DOCK2: variants seen among roughly 807,000 people sequenced by gnomAD.
DOCK2 encodes the protein dedicator of cytokinesis 2.
In DOCK2, 87 loss-of-function variants were observed where a neutral mutation model predicts 248.9. The observed-to-expected ratio is 0.35, with a 90% CI of 0.29 to 0.42. The LOEUF is 0.42. Among genes scored for constraint, DOCK2 ranks in the 10% least tolerant of loss-of-function variants. The probability of loss-of-function intolerance (pLI) is 1.00; values close to 1 mark genes in which losing one functional copy is unlikely to be tolerated. For synonymous variants in DOCK2, 805 were observed against 821.6 expected (o/e 0.98, Z 0.35); for missense variants, 1,747 against 2,300.2 (o/e 0.76, Z 4.92).
intron 27 of DOCK2, among the ~76,000 whole-genome samples, chr5:169,848,633 G>C (rs1770457945): frequency 6.6e-6 from 1 of 152,214 alleles, no homozygotes; most frequent in Non-Finnish European, 1.5e-5. Context: ...ACAATCTGGT[G>C]ATTTTGTTGA....
intron 44 of DOCK2, among the ~76,000 whole-genome samples, chr5:170,065,066 G>T (rs1757446132): frequency 6.6e-6 from 1 of 152,106 alleles, no homozygotes; most frequent in Admixed American, 6.5e-5. Context: ...CTAATAGTTT[G>T]TTAAAGATAG....
intron 26 of DOCK2, among the ~76,000 whole-genome samples, chr5:169,839,154 A>G (rs1769784056): frequency 6.6e-6 from 1 of 152,184 alleles, no homozygotes; most frequent in Non-Finnish European, 1.5e-5. Flanking sequence ...CTGGAGACAC[A>G]AGGCTGTTCC....
intron 27 of DOCK2, among the ~76,000 whole-genome samples, chr5:169,910,292 G>A (rs758484459): frequency 6.6e-6 from 1 of 152,156 alleles, no homozygotes; most frequent in African/African-American, 2.4e-5. Context: ...GGTTACCACC[G>A]CATGGAATAT....
chr5:170,030,191 C>A (rs1311451967), intron 34 of DOCK2, among the ~76,000 whole-genome samples: 3 of 152,190 alleles, frequency 2.0e-5, no homozygotes, highest in African/African-American at 2.4e-5. Flanking sequence ...AGATGATCAG[C>A]AGGGTTTTCA....
At chr5:169,780,890 A>G (rs1226353970) in intron 25 of DOCK2, among the ~76,000 whole-genome samples, 7 of 152,356 alleles carry the variant, frequency 4.6e-5, no homozygotes, top group Non-Finnish European at 7.3e-5. Context: ...ACCATAAAAT[A>G]TCGCCATACT....
rs70979150 is a variant in DOCK2, at chr5:169,961,978, C to CAAAAAAAAAAAAAAAAAAAAAAAAAAAA, written c.2800-21073_2800-21072insAAAAAAAAAAAAAAAAAAAAAAAAAAAA. On this transcript the variant is annotated intron_variant, in intron 27 of 51. Transcript: ENST00000520908. ...TGGGTGAAAAAGTGAGACTCTGTCC[C>CAAAAAAAAAAAAAAAAAAAAAAAAAAAA]AAAAAAAAAAAAAAAAATGGAGAAA... 9.4e-5 allele frequency among the ~76,000 whole-genome samples: 7 copies of CAAAAAAAAAAAAAAAAAAAAAAAAAAAA among 74,654 alleles called. 2 individuals are homozygous for CAAAAAAAAAAAAAAAAAAAAAAAAAAAA. Among genetic ancestry groups the CAAAAAAAAAAAAAAAAAAAAAAAAAAAA allele is most frequent in the East Asian group, 4.4e-4 (1 of 2,298 alleles). 49.0% of individuals were successfully genotyped at this position (74,654 alleles called of 152,430 possible). A position where few individuals can be genotyped will look rare whatever the true frequency, so the allele number is the denominator to read the frequency against.
intron 7 of DOCK2, among the ~76,000 whole-genome samples, chr5:169,683,079 G>A (rs907753522): frequency 1.3e-5 from 2 of 152,180 alleles, no homozygotes; most frequent in East Asian, 1.9e-4. Flanking sequence ...TTATACTAAT[G>A]CAACTATGAA....
chr5:169,698,319 C>A, intron 10 of DOCK2, 55 bp from the exon 11 acceptor site: 1 of 1,567,440 alleles, frequency 6.4e-7, no homozygotes, highest in South Asian at 1.1e-5. Flanking sequence ...CCACTGTCAT[C>A]CCTTATGGGA....
At chr5:169,716,507 G>A (rs1761922530) in intron 20 of DOCK2, among the ~76,000 whole-genome samples, 1 of 152,230 alleles carries the variant, frequency 6.6e-6, no homozygotes, top group Admixed American at 6.5e-5. Flanking sequence ...ATGAGGCATT[G>A]TGGGTGAAAG....
intron 24 of DOCK2, among the ~76,000 whole-genome samples, chr5:169,760,371 T>C (rs1764422623): frequency 6.6e-6 from 1 of 152,216 alleles, no homozygotes. Context: ...AAAGATTACA[T>C]ACAGAGAGTT....
chr5:169,822,194 T>C (rs904709004), intron 26 of DOCK2, among the ~76,000 whole-genome samples: 3 of 152,128 alleles, frequency 2.0e-5, no homozygotes, highest in Non-Finnish European at 2.9e-5. Flanking sequence ...CCACTGTCAA[T>C]ATTCGACAGA....
At chr5:169,718,397 T>A (rs1762016643) in intron 21 of DOCK2, among the ~76,000 whole-genome samples, 1 of 152,222 alleles carries the variant, frequency 6.6e-6, no homozygotes. Flanking sequence ...GTAGCCTGAT[T>A]GTGACTAGTT....
chr5:170,083,150 G>T lies in DOCK2; in HGVS notation c.*292G>T. ...TGCTCTCCCCAACATCCTAGGCACA[G>T]CTTTCATAACCCAGTTTCTTAGGTG... On this transcript the variant is annotated 3_prime_UTR_variant, in exon 52 of 52. Transcript: ENST00000520908. The T allele has an allele frequency of 2.7e-6, 1 of 363,660 alleles. No individual in the cohort carries two copies. Among genetic ancestry groups the T allele is most frequent in the Non-Finnish European group, 5.0e-6 (1 of 200,600 alleles). The allele number at this position is 363,660 out of a possible 1,614,324, so 22.5% of individuals were successfully genotyped here.
rs940398712 is a variant in DOCK2 at position 169,852,263 on chromosome 5, C to T, written c.2799+11411C>T. Among the ~76,000 whole-genome samples, 13 of 152,042 alleles carry T rather than the reference C, an allele frequency of 8.6e-5. 1 individual carries two copies. Among genetic ancestry groups the T allele is most frequent in the Non-Finnish European group, 4.4e-5 (3 of 68,012 alleles). Reference sequence around the variant, plus strand: ...CTGATTTGAGACAAGTAATTTTAAGCGTGTTCTTAAAGGTAAGACTCCACT... The same window carrying T: ...CTGATTTGAGACAAGTAATTTTAAGTGTGTTCTTAAAGGTAAGACTCCACT... On this transcript the variant is annotated intron_variant, in intron 27 of 51. Coordinates refer to ENST00000520908, the MANE Select transcript of DOCK2 (RefSeq NM_004946.3).
chr5:170,074,726 T>G (rs1480506284), intron 46 of DOCK2, among the ~76,000 whole-genome samples: 1 of 152,218 alleles, frequency 6.6e-6, no homozygotes, highest in African/African-American at 2.4e-5. Flanking sequence ...GTTCTAATTG[T>G]TCTAGAGGAT....
chr5:169,815,115 C>T (rs1767984790), intron 26 of DOCK2, among the ~76,000 whole-genome samples: 1 of 152,192 alleles, frequency 6.6e-6, no homozygotes, highest in Non-Finnish European at 1.5e-5. Flanking sequence ...GGCTATTTGA[C>T]ATCCCTAGCC....
In DOCK2 at chr5:169,670,521, GT is replaced by G; in HGVS notation, c.169-17del. Reference sequence around the variant, plus strand: ...ATATCTTTTTATTTTATTTTGTTTTGTTTTGTTTTGTTTCCAACAGGGCATT... The same window carrying G: ...ATATCTTTTTATTTTATTTTGTTTTGTTTGTTTTGTTTCCAACAGGGCATT... On this transcript the variant is annotated intron_variant, in intron 3 of 51. Coordinates refer to ENST00000520908, the MANE Select transcript of DOCK2 (RefSeq NM_004946.3). 1 of 1,610,620 alleles carries G rather than the reference GT, an allele frequency of 6.2e-7. No individual in the cohort carries two copies. The highest frequency in any genetic ancestry group is 8.5e-7 in the Non-Finnish European group (1 of 1,179,314).
chr5:169,876,990 T>C (rs936154124), intron 27 of DOCK2, among the ~76,000 whole-genome samples: 6 of 152,172 alleles, frequency 3.9e-5, no homozygotes, highest in Non-Finnish European at 8.8e-5. Context: ...CATATTACAA[T>C]GCAATAGGAT....
At chr5:170,006,859 CA>C (rs1363578115) in intron 30 of DOCK2, among the ~76,000 whole-genome samples, 9 of 152,156 alleles carry the variant, frequency 5.9e-5, no homozygotes, top group African/African-American at 2.2e-4. Flanking sequence ...CCCCGAATGT[CA>C]ATCAGAAGGT....
Sources: allele counts gnomAD v4.1 joint callset (sites outside exome capture counted in the v4.1 genomes callset), GRCh38; gene constraint gnomAD v4.1.1; transcripts MANE v1.5; gene names NCBI Gene and HGNC (gene_info 2026-07-23, HGNC 2026-07-21).